Variants in RAB3IP observed in about 807,000 individuals in gnomAD.
RAB3IP encodes the protein RAB3A interacting protein.
RAB3IP carries 36 observed loss-of-function variants against 59.1 expected under a neutral mutation model. The ratio of observed to expected loss-of-function variants is 0.61; its 90% confidence interval spans 0.47 to 0.80. The LOEUF (loss-of-function observed/expected upper bound fraction) is 0.80, where lower values mean the gene tolerates loss of function less well. Among genes scored for constraint, RAB3IP ranks in the 30% least tolerant of loss-of-function variants. RAB3IP has a pLI of 0.00. For synonymous variants in RAB3IP, 207 were observed against 191.2 expected (o/e 1.08, Z -0.68); for missense variants, 511 against 536.0 (o/e 0.95, Z 0.46).
At chr12:69,813,095 G>T (rs1448800872) in intron 10 of RAB3IP, 62 bp downstream of exon 10, 1 of 1,245,398 alleles carries the variant, frequency 8.0e-7, no homozygotes, top group East Asian at 2.3e-5. Flanking sequence ...TATAAGTAAA[G>T]TTCAACAAAA....
intron 3 of RAB3IP, among the ~76,000 whole-genome samples, chr12:69,763,299 T>C (rs1048529112): frequency 1.3e-5 from 2 of 152,138 alleles, no homozygotes; most frequent in Non-Finnish European, 2.9e-5. Context: ...CTGGTGAAGC[T>C]CTCTTGGGCA....
chr12:69,744,980 A>G (rs930023581), intron 1 of RAB3IP, among the ~76,000 whole-genome samples: 2 of 152,008 alleles, frequency 1.3e-5, no homozygotes, highest in East Asian at 3.9e-4. Context: ...CCTTTATTAT[A>G]CAGTATTTGA....
intron 3 of RAB3IP, among the ~76,000 whole-genome samples, chr12:69,768,662 C>T (rs1382550968): frequency 2.0e-5 from 3 of 152,168 alleles, no homozygotes; most frequent in Non-Finnish European, 4.4e-5. Context: ...CCAAACTGGC[C>T]CTGGCTGCAA....
intron 10 of RAB3IP, among the ~76,000 whole-genome samples, chr12:69,813,286 A>G (rs1880711660): frequency 6.6e-6 from 1 of 152,198 alleles, no homozygotes; most frequent in African/African-American, 2.4e-5. Context: ...AAGCAGGGTC[A>G]GTTTTAACTC....
At chr12:69,794,260 CT>C (rs1283584309) in intron 4 of RAB3IP, among the ~76,000 whole-genome samples, 176 bp from the exon 5 acceptor site, 1 of 152,134 alleles carries the variant, frequency 6.6e-6, no homozygotes, top group Admixed American at 6.5e-5. Context: ...GCACCTATTC[CT>C]AATGTCTCAT....
At chr12:69,755,730 G>C (rs1361375424) in intron 2 of RAB3IP, 71 bp downstream of exon 2, 15 of 1,308,016 alleles carry the variant, frequency 1.1e-5, no homozygotes, top group Middle Eastern at 1.9e-4. Context: ...TATATTTTAA[G>C]TTTTACTATT....
chr12:69,802,409 G>A (rs1434734991), intron 8 of RAB3IP, among the ~76,000 whole-genome samples: 2 of 152,142 alleles, frequency 1.3e-5, no homozygotes, highest in African/African-American at 4.8e-5. Flanking sequence ...TCAGAGATAA[G>A]ACTCCCACAT....
At chr12:69,756,121 G>C (rs1393346560) in intron 2 of RAB3IP, among the ~76,000 whole-genome samples, 1 of 152,220 alleles carries the variant, frequency 6.6e-6, no homozygotes, top group Non-Finnish European at 1.5e-5. Flanking sequence ...GGTTTAGCCT[G>C]TAGGCTATAG....
At chr12:69,806,797 C>G (rs550653295) in intron 8 of RAB3IP, among the ~76,000 whole-genome samples, 3 of 151,950 alleles carry the variant, frequency 2.0e-5, no homozygotes, top group Non-Finnish European at 4.4e-5. Context: ...GAGCATGCAG[C>G]CTTTAAGCAT....
rs1881899990 is a variant in RAB3IP, at chr12:69,822,795, ACTAT to A, written c.*7350_*7353del. ...CATATGTACCCCATAAATATGTACAACTATTATGTATCCATAAAAATTGGAAATA... is the reference window on the plus strand; with the variant it reads ...CATATGTACCCCATAAATATGTACAATATGTATCCATAAAAATTGGAAATA... On this transcript the variant is annotated 3_prime_UTR_variant, in exon 11 of 11. Transcript: ENST00000247833. The A allele has an allele frequency of 6.6e-6, 1 of 152,184 alleles. No individual in the cohort carries two copies. Among genetic ancestry groups the A allele is most frequent in the African/African-American group, 2.4e-5 (1 of 41,430 alleles). 9.4% of individuals were successfully genotyped at this position (152,184 alleles called of 1,614,324 possible).
At chr12:69,745,181 C>G (rs1340342423) in intron 1 of RAB3IP, among the ~76,000 whole-genome samples, 1 of 152,158 alleles carries the variant, frequency 6.6e-6, no homozygotes, top group Non-Finnish European at 1.5e-5. Context: ...AATTGCAAGT[C>G]CTGTGTAATT....
At chr12:69,772,578 T>A (rs1873317098) in intron 3 of RAB3IP, among the ~76,000 whole-genome samples, 1 of 152,196 alleles carries the variant, frequency 6.6e-6, no homozygotes, top group African/African-American at 2.4e-5. Context: ...ATTGTAGGAT[T>A]TTGCTTTGTG....
At chr12:69,801,830 T>G in intron 8 of RAB3IP, 109 bp downstream of exon 8, 1 of 678,542 alleles carries the variant, frequency 1.5e-6, no homozygotes, top group South Asian at 1.8e-5. Flanking sequence ...TCCCTCAGAT[T>G]TCTCTTAAGC....
chr12:69,806,858 T>C (rs1879393522), intron 8 of RAB3IP, among the ~76,000 whole-genome samples: 2 of 152,124 alleles, frequency 1.3e-5, no homozygotes, highest in Non-Finnish European at 2.9e-5. Flanking sequence ...TAACCCTGAG[T>C]TGACACAGCA....
At position 69,815,809 on chromosome 12, in the gene RAB3IP, T is replaced by C. The variant is rs991196706; in HGVS notation, c.*363T>C. 3.8e-5 allele frequency: 6 copies of C among 156,134 alleles called. No individual in the cohort carries two copies. The highest frequency in any genetic ancestry group is 1.2e-4 in the African/African-American group (5 of 41,582). The allele number at this position is 156,134 out of a possible 1,614,324, so 9.7% of individuals were successfully genotyped here. A position where few individuals can be genotyped will look rare whatever the true frequency, so the allele number is the denominator to read the frequency against. On this transcript the variant is annotated 3_prime_UTR_variant, in exon 11 of 11. Transcript: ENST00000247833. ...AAATAGTAATTTTCAAACTACACAG[T>C]AGCTTCCTTCCTTGTGAGAGGCAAG...
chr12:69,741,099 G>A (rs977246043), intron 1 of RAB3IP, among the ~76,000 whole-genome samples: 3 of 152,216 alleles, frequency 2.0e-5, no homozygotes, highest in African/African-American at 7.2e-5. Flanking sequence ...ACTTCATAAT[G>A]GTAAGATGAG....
chr12:69,768,613 A>T (rs970284427), intron 3 of RAB3IP, among the ~76,000 whole-genome samples: 2 of 152,174 alleles, frequency 1.3e-5, no homozygotes. Context: ...GAACAGACTG[A>T]GGCACCCAGC....
chr12:69,747,293 CGTGTGTGTGTGTGTGT>C (rs111438084), intron 1 of RAB3IP, among the ~76,000 whole-genome samples: 10 of 137,708 alleles, frequency 7.3e-5, no homozygotes, highest in South Asian at 2.5e-4. Flanking sequence ...CTTGCCCTTT[CGTGTGTGTGTGTGTGT>C]GTGTGTGTGT....
chr12:69,759,987 G>A (rs567431918), intron 3 of RAB3IP, among the ~76,000 whole-genome samples: 2 of 152,310 alleles, frequency 1.3e-5, no homozygotes, highest in African/African-American at 4.8e-5. Flanking sequence ...TGGCGGCCGG[G>A]CAGAGGCTGC....
Sources: gnomAD v4.1 joint callset for allele counts (sites outside exome capture counted in the v4.1 genomes callset) on GRCh38, gnomAD v4.1.1 for gene constraint, MANE v1.5 for transcripts, NCBI Gene and HGNC (gene_info 2026-07-23, HGNC 2026-07-21) for gene names.